Variants in CEACAM21 observed in about 807,000 individuals in gnomAD.
The protein encoded by CEACAM21 is CEA cell adhesion molecule 21.
Under a neutral mutation model 33.2 loss-of-function variants are expected in CEACAM21, and 38 were observed. That is an observed-to-expected ratio of 1.14 (90% CI 0.88 to 1.50). The LOEUF is 1.50. Among genes scored for constraint, CEACAM21 ranks in the 40% most tolerant of loss-of-function variants. The pLI is 0.00. For missense variants in CEACAM21, 385 were observed against 364.6 expected (o/e 1.06, Z -0.46); for synonymous variants, 156 against 143.0 (o/e 1.09, Z -0.65).
At chr19:41,573,745 A>G (rs180964796), upstream of CEACAM21, among the ~76,000 whole-genome samples, 18 of 152,306 alleles carry the variant, frequency 1.2e-4, no homozygotes, top group Middle Eastern at 3.4e-3. Context: ...ACACTGTAAC[A>G]TAGCAACTCA....
At chr19:41,584,232 C>A in intron 3 of CEACAM21, 115 bp from the exon 4 acceptor site, 1 of 848,906 alleles carries the variant, frequency 1.2e-6, no homozygotes, top group Non-Finnish European at 1.9e-6. Context: ...CAACAGACCA[C>A]ACTCAGGCTC....
At chr19:41,586,428 G>A (rs2070741031) in intron 6 of CEACAM21, 36 bp from the exon 7 acceptor site, 2 of 627,646 alleles carry the variant, frequency 3.2e-6, no homozygotes, top group Non-Finnish European at 3.1e-6. Context: ...TTCTGAGAAG[G>A]CCTCAGGGGT....
intron 2 of CEACAM21, among the ~76,000 whole-genome samples, chr19:41,565,353 G>T (rs116721882): frequency 0.016 from 2,410 of 152,260 alleles, 68 homozygotes; most frequent in African/African-American, 0.054. Context: ...GGGGGCGGGT[G>T]CCTCTGGGAC....
intron 1 of CEACAM21, chr19:41,551,982 A>C (rs987269696): frequency 2.6e-5 from 4 of 152,180 alleles, no homozygotes; most frequent in Non-Finnish European, 5.9e-5. Context: ...AGATGCAGAT[A>C]AACTGGGGAG....
upstream of CEACAM21, among the ~76,000 whole-genome samples, chr19:41,572,376 C>T (rs1477946882): frequency 6.6e-6 from 1 of 152,184 alleles, no homozygotes; most frequent in Non-Finnish European, 1.5e-5. Context: ...GTCACCCCCT[C>T]CCAGAGCAAA....
At chr19:41,549,802 T>G (rs1238873750) in intron 1 of CEACAM21, among the ~76,000 whole-genome samples, 1 of 152,158 alleles carries the variant, frequency 6.6e-6, no homozygotes, top group African/African-American at 2.4e-5. Flanking sequence ...AAGCAATCCT[T>G]CTGTCTCCAT....
intron 1 of CEACAM21, among the ~76,000 whole-genome samples, chr19:41,562,298 G>GT (rs555654946): frequency 4.7e-5 from 7 of 150,434 alleles, no homozygotes; most frequent in Non-Finnish European, 8.9e-5. Flanking sequence ...TATAAAGAAA[G>GT]TTTTTTTTAA....
At position 41,579,488 on chromosome 19, in the gene CEACAM21, C is replaced by T. The variant is rs782257522; in HGVS notation, c.560C>T (p.Thr187Met). The part of the protein sequence containing the change: ...WIFNNQRLQV[T>M]KRMKLSWFNH... ...TTCAACAACCAGCGTCTGCAGGTCA[C>T]GAAGAGGATGAAGCTGTCCTGGTTT... is the stretch of plus-strand genomic sequence containing the variant. The change falls in exon 3 of 7, where the codon ACG (threonine) becomes ATG (methionine). Residue 187 changes from threonine to methionine, a missense_variant. Physicochemically the swap from Thr to Met is moderately conservative, Grantham distance 81. Coordinates refer to ENST00000401445, the MANE Select transcript of CEACAM21 (RefSeq NM_001098506.4). The T allele has an allele frequency of 1.4e-5, 23 of 1,613,748 alleles. No homozygotes were observed. Among genetic ancestry groups the T allele is most frequent in the East Asian group, 6.7e-5 (3 of 44,886 alleles).
At chr19:41,557,356 A>C (rs1555785794) in intron 1 of CEACAM21, among the ~76,000 whole-genome samples, 1 of 152,204 alleles carries the variant, frequency 6.6e-6, no homozygotes, top group Admixed American at 6.5e-5. Context: ...CAGAAAATTC[A>C]GAGCTTATAT....
At chr19:41,560,160 C>T (rs1480672814) in intron 1 of CEACAM21, among the ~76,000 whole-genome samples, 2 of 152,150 alleles carry the variant, frequency 1.3e-5, no homozygotes, top group Non-Finnish European at 2.9e-5. Context: ...CTTACACATA[C>T]TCTCCCAGAA....
At chr19:41,579,115 G>A (rs1287656124) in intron 2 of CEACAM21, among the ~76,000 whole-genome samples, 1 of 152,034 alleles carries the variant, frequency 6.6e-6, no homozygotes, top group African/African-American at 2.4e-5. Context: ...ATCTGTGGGA[G>A]GGTTTTCAGG....
At chr19:41,579,710 TGAG>T (rs2043233543) in intron 3 of CEACAM21, 82 bp downstream of exon 3, 1 of 960,716 alleles carries the variant, frequency 1.0e-6, no homozygotes, top group Admixed American at 2.8e-5. Flanking sequence ...ATACACGGAA[TGAG>T]AAGGATGAGA....
At chr19:41,578,030 C>A (rs1555792010) in intron 2 of CEACAM21, among the ~76,000 whole-genome samples, 1 of 152,152 alleles carries the variant, frequency 6.6e-6, no homozygotes, top group African/African-American at 2.4e-5. Context: ...TGATTGTGAG[C>A]AAGGATTTAC....
intron 1 of CEACAM21, among the ~76,000 whole-genome samples, chr19:41,554,489 C>T (rs1555785097): frequency 6.6e-6 from 1 of 151,994 alleles, no homozygotes; most frequent in Non-Finnish European, 1.5e-5. Context: ...TCTCCCATAA[C>T]TTTGGAACCC....
chr19:41,566,409 C>T (rs1461373765), intron 2 of CEACAM21, among the ~76,000 whole-genome samples: 1 of 152,150 alleles, frequency 6.6e-6, no homozygotes, highest in Non-Finnish European at 1.5e-5. Context: ...TTTCAAAATT[C>T]TCTAAAAACC....
intron 2 of CEACAM21, among the ~76,000 whole-genome samples, chr19:41,569,818 A>G (rs782683823): frequency 5.9e-5 from 9 of 152,156 alleles, no homozygotes; most frequent in African/African-American, 1.7e-4. Context: ...GGAAAACGCT[A>G]TGCTTTTCCT....
chr19:41,577,292 C>A lies in CEACAM21; in HGVS notation c.157C>A (p.Leu53Ile), dbSNP rs782014553. 65 of 1,614,026 alleles carry A rather than the reference C, an allele frequency of 4.0e-5. No homozygotes were observed. The highest frequency in any genetic ancestry group is 5.2e-5 in the Non-Finnish European group (61 of 1,180,008). Reference protein sequence around the residue: ...FEVAEGENVHLSVVYLPENLY... With the variant: ...FEVAEGENVHISVVYLPENLY... ...AGTTGCTGAAGGGGAGAATGTTCAT[C>A]TCTCTGTGGTTTATCTGCCCGAGAA... Residue 53 changes from leucine to isoleucine, a missense_variant, in exon 2 of 7, where the codon CTC (leucine) becomes ATC (isoleucine). Physicochemically the swap from Leu to Ile is conservative, Grantham distance 5. Transcript: ENST00000401445.
intron 1 of CEACAM21, among the ~76,000 whole-genome samples, chr19:41,564,331 A>ATTTAT (rs1258972634): frequency 4.0e-5 from 6 of 148,324 alleles, no homozygotes; most frequent in South Asian, 2.1e-4. Context: ...TGAGTTATTT[A>ATTTAT]TTATTTATTT....
At chr19:41,579,689 G>A (rs1555792895) in intron 3 of CEACAM21, 61 bp downstream of exon 3, 1 of 1,183,324 alleles carries the variant, frequency 8.5e-7, no homozygotes, top group Non-Finnish European at 1.2e-6. Context: ...AGGGAGGGGG[G>A]GTGTAAAATG....
Sources: gnomAD v4.1 joint callset for allele counts (sites outside exome capture counted in the v4.1 genomes callset) on GRCh38, gnomAD v4.1.1 for gene constraint, MANE v1.5 for transcripts, NCBI Gene and HGNC (gene_info 2026-07-23, HGNC 2026-07-21) for gene names.